Variants in TTLL5 observed in about 807,000 individuals in gnomAD.
TTLL5 encodes tubulin polyglutamylase TTLL5.
In TTLL5, 132 loss-of-function variants were observed where a neutral mutation model predicts 168.4. The ratio of observed to expected loss-of-function variants is 0.78; its 90% CI spans 0.68 to 0.91. TTLL5 has a LOEUF of 0.91. Among genes scored for constraint, TTLL5 ranks in the 40% least tolerant of loss-of-function variants. The pLI is 0.00. For synonymous variants in TTLL5, 546 were observed against 558.6 expected, an observed-to-expected ratio of 0.98 and a Z score of 0.32; for missense variants, 1,545 against 1,581.5, an observed-to-expected ratio of 0.98 and a Z score of 0.39.
chr14:75,686,215 G>A (rs1045996409), intron 5 of TTLL5, among the ~76,000 whole-genome samples: 4 of 152,156 alleles, frequency 2.6e-5, no homozygotes, highest in African/African-American at 9.7e-5. Context: ...GAGTCCAGTC[G>A]AGGCTAACCA....
chr14:75,889,869 G>A (rs1243602362), intron 30 of TTLL5, among the ~76,000 whole-genome samples: 4 of 142,680 alleles, frequency 2.8e-5, no homozygotes, highest in Admixed American at 7.1e-5. Flanking sequence ...GGGAAGAAGC[G>A]AGGGAGGGAG....
At chr14:75,933,400 C>A (rs2034338077) in intron 31 of TTLL5, among the ~76,000 whole-genome samples, 1 of 152,192 alleles carries the variant, frequency 6.6e-6, no homozygotes, top group Non-Finnish European at 1.5e-5. Context: ...GAGGTCAAGG[C>A]CGCAGTCAGC....
At position 75,826,446 on chromosome 14, in the gene TTLL5, C is replaced by T. The variant is rs775185414; in HGVS notation, c.3326+6285C>T. On this transcript the variant is annotated intron_variant, in intron 28 of 31. Transcript: ENST00000298832. ...TATGTGTGTGTTTTTTTAACTACAACGTTAAAAAAAAAAGAGTATGTAAGG... is the reference window on the plus strand; with the variant it reads ...TATGTGTGTGTTTTTTTAACTACAATGTTAAAAAAAAAAGAGTATGTAAGG... 1.6e-4 allele frequency among the ~76,000 whole-genome samples: 24 copies of T among 148,586 alleles called. 1 individual carries two copies. Among genetic ancestry groups the T allele is most frequent in the Admixed American group, 1.1e-3 (17 of 14,964 alleles).
intron 5 of TTLL5, among the ~76,000 whole-genome samples, chr14:75,688,500 C>G (rs1212946050): frequency 1.3e-5 from 2 of 152,174 alleles, no homozygotes. Context: ...TCTCTGAGTT[C>G]TGTGAGCTGC....
chr14:75,870,263 CTT>C (rs60865248), intron 29 of TTLL5, among the ~76,000 whole-genome samples: 3 of 140,784 alleles, frequency 2.1e-5, no homozygotes, highest in Non-Finnish European at 4.6e-5. Context: ...TTACCTCAAT[CTT>C]TTTTTTTTTT....
At chr14:75,697,770 A>G (rs1027630058) in intron 6 of TTLL5, among the ~76,000 whole-genome samples, 2 of 152,190 alleles carry the variant, frequency 1.3e-5, no homozygotes, top group African/African-American at 4.8e-5. Flanking sequence ...AGCCCTAGAA[A>G]AGGACTTGCC....
Position 75,820,040 on chromosome 14 carries a change from A to T in TTLL5, c.3205A>T (p.Asn1069Tyr). 6.2e-7 allele frequency: 1 copy of T among 1,606,352 alleles called. No homozygotes were observed. Among genetic ancestry groups the T allele is most frequent in the African/African-American group, 1.3e-5 (1 of 74,506 alleles). The change falls in exon 28 of 32, where the codon AAC (asparagine) becomes TAC (tyrosine). Residue 1069 changes from asparagine to tyrosine, a missense_variant. Coordinates refer to ENST00000298832, the MANE Select transcript of TTLL5 (RefSeq NM_015072.5). The part of the protein sequence containing the change: ...TNLNLATGII[N>Y]RSSASAPPTL... Reference sequence around the variant, plus strand: ...CCTGAATTTGGCAACTGGCATCATAAACAGAAGCAGTGCTTCAGCTCCCCC... The same window carrying T: ...CCTGAATTTGGCAACTGGCATCATATACAGAAGCAGTGCTTCAGCTCCCCC...
intron 2 of TTLL5, among the ~76,000 whole-genome samples, chr14:75,666,148 C>T (rs1159253860): frequency 1.3e-5 from 2 of 152,196 alleles, no homozygotes; most frequent in African/African-American, 4.8e-5. Context: ...ATCTTGTTCA[C>T]ACCTGAAGCA....
At chr14:75,922,747 A>G (rs112228584) in intron 31 of TTLL5, among the ~76,000 whole-genome samples, 6,782 of 152,242 alleles carry the variant, frequency 0.045, 384 homozygotes, top group African/African-American at 0.13. Flanking sequence ...GCGTCATAAA[A>G]TGAGTTAGGG....
Position 75,728,493 on chromosome 14 carries a change from G to A in TTLL5, c.1043-3845G>A, listed in dbSNP as rs116597103. On this transcript the variant is annotated intron_variant, in intron 12 of 31. Transcript: ENST00000298832. ...TTCTAGTTTGGAGCCTGGTGGATGG[G>A]GTTACCATTCTCCAAGATGAAGAAT... Among the ~76,000 whole-genome samples, 175 of 152,182 alleles carry A rather than the reference G, an allele frequency of 1.1e-3. 1 individual carries two copies. Among genetic ancestry groups the A allele is most frequent in the African/African-American group, 4.0e-3 (165 of 41,534 alleles).
chr14:75,885,381 A>C (rs147779156), intron 30 of TTLL5, among the ~76,000 whole-genome samples: 1 of 151,546 alleles, frequency 6.6e-6, no homozygotes, highest in Non-Finnish European at 1.5e-5. Context: ...AGTCCCAGCT[A>C]CTTGGGCGGC....
chr14:75,803,669 A>G (rs1004727231), intron 27 of TTLL5, among the ~76,000 whole-genome samples: 3 of 152,202 alleles, frequency 2.0e-5, no homozygotes, highest in Admixed American at 1.3e-4. Flanking sequence ...CCCTGAAAGC[A>G]GGGTTTTCTA....
intron 3 of TTLL5, among the ~76,000 whole-genome samples, chr14:75,674,013 G>A (rs926439796): frequency 1.1e-4 from 16 of 152,048 alleles, no homozygotes; most frequent in African/African-American, 3.6e-4. Flanking sequence ...GTCACATAAA[G>A]TAATCGATGT....
chr14:75,870,387 C>T (rs2030928569), intron 29 of TTLL5, among the ~76,000 whole-genome samples: 1 of 152,010 alleles, frequency 6.6e-6, no homozygotes, highest in African/African-American at 2.4e-5. Flanking sequence ...AGATTACAGG[C>T]GTGAGCCACC....
chr14:75,819,924 T>C, intron 27 of TTLL5, 83 bp from the exon 28 acceptor site: 1 of 1,460,858 alleles, frequency 6.8e-7, no homozygotes, highest in Non-Finnish European at 9.1e-7. Flanking sequence ...CTGTTGGCCT[T>C]GACTTGATTT....
intron 28 of TTLL5, among the ~76,000 whole-genome samples, chr14:75,832,293 T>G (rs1334404320): frequency 6.6e-6 from 1 of 152,222 alleles, no homozygotes; most frequent in East Asian, 1.9e-4. Context: ...CTCTGTGCTT[T>G]CCCTGCCTTC....
In TTLL5 at chr14:75,849,852, AT is replaced by A. The variant is rs973332608; in HGVS notation, c.3327-13814del. 5.7e-4 allele frequency among the ~76,000 whole-genome samples: 86 copies of A among 152,210 alleles called. 1 individual carries two copies. Among genetic ancestry groups the A allele is most frequent in the African/African-American group, 2.0e-3 (85 of 41,546 alleles). On this transcript the variant is annotated intron_variant, in intron 28 of 31. Coordinates refer to ENST00000298832, the MANE Select transcript of TTLL5 (RefSeq NM_015072.5). ...GTGGTGGCTCACACCTGTAATCCCA[AT>A]ACTGTGGGAGGCTGAAGCAGGTGGA... is the stretch of plus-strand genomic sequence containing the variant.
At chr14:75,946,975 G>A (rs370935715) in intron 31 of TTLL5, among the ~76,000 whole-genome samples, 38 of 152,228 alleles carry the variant, frequency 2.5e-4, no homozygotes, top group African/African-American at 8.9e-4. Flanking sequence ...CATGTTGCAC[G>A]AGAGAGCAGA....
In TTLL5 at chr14:75,786,765, G is replaced by C. The variant is rs1892386963; in HGVS notation, c.2986+3235G>C. Among the ~76,000 whole-genome samples, 3 of 152,106 alleles carry C rather than the reference G, an allele frequency of 2.0e-5. No individual in the cohort carries two copies. The South Asian group carries it at 6.2e-4, about 32-fold the overall frequency. Reference sequence around the variant, plus strand: ...ATGGGGAGAAGAAAAATGAATTGTGGATAAAAAACATGCAGAAACTTAGGT... The same window carrying C: ...ATGGGGAGAAGAAAAATGAATTGTGCATAAAAAACATGCAGAAACTTAGGT... On this transcript the variant is annotated intron_variant, in intron 26 of 31. Transcript: ENST00000298832.
Sources: gnomAD v4.1 joint callset for allele counts (sites outside exome capture counted in the v4.1 genomes callset) on GRCh38, gnomAD v4.1.1 for gene constraint, MANE v1.5 for transcripts, NCBI Gene and HGNC (gene_info 2026-07-23, HGNC 2026-07-21) for gene names.